CLHC1: variants seen among roughly 807,000 people sequenced by gnomAD.
CLHC1 encodes clathrin heavy chain linker domain containing 1, also known as clathrin heavy chain linker domain-containing protein 1.
In CLHC1, 72 loss-of-function variants were observed where a neutral mutation model predicts 69.5. That is an observed-to-expected ratio of 1.04 (90% confidence interval 0.86 to 1.26). The LOEUF is 1.26. Among genes scored for constraint, CLHC1 ranks in the 50% most tolerant of loss-of-function variants. The probability of loss-of-function intolerance (pLI) is 0.00; values close to 1 mark genes in which losing one functional copy is unlikely to be tolerated. For synonymous variants in CLHC1, 223 were observed against 224.3 expected, an observed-to-expected ratio of 0.99 and a Z score of 0.05; for missense variants, 790 against 679.3, an observed-to-expected ratio of 1.16 and a Z score of -1.81.
chr2:55,231,689 C>T (rs891059403), intron 1 of CLHC1, among the ~76,000 whole-genome samples: 1 of 152,164 alleles, frequency 6.6e-6, no homozygotes, highest in Non-Finnish European at 1.5e-5. Flanking sequence ...ACAGGGAGAA[C>T]TTGCTTCTAA....
At position 55,181,642 on chromosome 2, in the gene CLHC1, G is replaced by T; in HGVS notation, c.1109C>A (p.Thr370Asn). The T allele has an allele frequency of 1.2e-6, 2 of 1,613,746 alleles. No homozygotes were observed. The highest frequency in any genetic ancestry group is 1.7e-6 in the Non-Finnish European group (2 of 1,179,820). ...TAATCCACATTTGATTCCTTCCAGGGTTAGAGCTGCATCAACAGGACATGG... is the reference window on the plus strand; with the variant it reads ...TAATCCACATTTGATTCCTTCCAGGTTTAGAGCTGCATCAACAGGACATGG... The part of the protein sequence containing the change: ...AFPCPVDAAL[T>N]LEGIKCGLSE... The change falls in exon 10 of 13, where the codon ACC becomes AAC. Residue 370 changes from threonine (T) to asparagine (N), a missense_variant. Thr to Asn is a moderately conservative substitution (Grantham distance 65). Coordinates refer to ENST00000401408, the MANE Select transcript of CLHC1 (RefSeq NM_152385.4).
chr2:55,216,291 CAAA>C (rs552944752), intron 4 of CLHC1, among the ~76,000 whole-genome samples: 3 of 107,128 alleles, frequency 2.8e-5, no homozygotes, highest in Admixed American at 9.7e-5. Context: ...AACTCCGTCT[CAAA>C]AAAAAAAAAA....
chr2:55,217,272 T>C (rs1271964001), intron 4 of CLHC1, among the ~76,000 whole-genome samples: 1 of 151,018 alleles, frequency 6.6e-6, no homozygotes, highest in African/African-American at 2.4e-5. Context: ...TCTTAGCACT[T>C]TGGGAGGCTG....
At chr2:55,176,107 T>C (rs1240545424) in intron 12 of CLHC1, 121 bp from the exon 13 acceptor site, 2 of 766,950 alleles carry the variant, frequency 2.6e-6, no homozygotes, top group African/African-American at 3.5e-5. Context: ...TCTACCTGAT[T>C]CCCCTAAGAT....
At chr2:55,193,268 A>T (rs777806991) in intron 9 of CLHC1, among the ~76,000 whole-genome samples, 1 of 152,188 alleles carries the variant, frequency 6.6e-6, no homozygotes, top group Non-Finnish European at 1.5e-5. Flanking sequence ...GAGAAAATTC[A>T]TAAGTGGAAC....
intron 11 of CLHC1, among the ~76,000 whole-genome samples, chr2:55,179,248 T>C (rs1484110409): frequency 6.6e-6 from 1 of 152,148 alleles, no homozygotes; most frequent in African/African-American, 2.4e-5. Flanking sequence ...TTCTGTCCTG[T>C]CACTACATAA....
chr2:55,211,188 T>C (rs1573723083), intron 5 of CLHC1, among the ~76,000 whole-genome samples: 1 of 152,142 alleles, frequency 6.6e-6, no homozygotes. Flanking sequence ...CGTCATTTGC[T>C]AGTCACAATT....
chr2:55,205,831 G>A (rs985600421), intron 9 of CLHC1: 1 of 152,980 alleles, frequency 6.5e-6, no homozygotes, highest in Non-Finnish European at 1.5e-5. Context: ...GGAGGCAGAG[G>A]TGGCAGTGAG....
At chr2:55,189,347 G>A (rs1670706180) in intron 9 of CLHC1, among the ~76,000 whole-genome samples, 1 of 152,156 alleles carries the variant, frequency 6.6e-6, no homozygotes, top group Non-Finnish European at 1.5e-5. Context: ...TTGTTAAATA[G>A]TTATTATGTT....
intron 9 of CLHC1, among the ~76,000 whole-genome samples, chr2:55,200,994 AAC>A (rs1671893697): frequency 3.3e-5 from 5 of 152,156 alleles, no homozygotes; most frequent in Admixed American, 2.0e-4. Context: ...CAATAATGGA[AAC>A]ACAACATACC....
chr2:55,217,133 GGCA>G (rs1393020527), intron 4 of CLHC1, among the ~76,000 whole-genome samples: 1 of 151,924 alleles, frequency 6.6e-6, no homozygotes, highest in Non-Finnish European at 1.5e-5. Context: ...AGGCAGAGGT[GGCA>G]GTGGGCCAAG....
chr2:55,192,826 A>G (rs1384626665), intron 9 of CLHC1, among the ~76,000 whole-genome samples: 1 of 152,046 alleles, frequency 6.6e-6, no homozygotes, highest in Non-Finnish European at 1.5e-5. Flanking sequence ...AATTAACCAA[A>G]AGTAGATCAT....
At chr2:55,186,636 G>A (rs1670440247) in intron 9 of CLHC1, among the ~76,000 whole-genome samples, 1 of 151,782 alleles carries the variant, frequency 6.6e-6, no homozygotes, top group South Asian at 2.1e-4. Flanking sequence ...TGGTGGGTAT[G>A]CCTATACTCC....
chr2:55,222,130 T>C, intron 3 of CLHC1, 105 bp downstream of exon 3: 1 of 761,074 alleles, frequency 1.3e-6, no homozygotes, highest in South Asian at 1.7e-5. Context: ...GCAAATGGAA[T>C]GTTATCATTC....
chr2:55,201,696 G>A (rs1362002913), intron 9 of CLHC1, among the ~76,000 whole-genome samples: 1 of 151,954 alleles, frequency 6.6e-6, no homozygotes, highest in Non-Finnish European at 1.5e-5. Context: ...ACCAAAACCA[G>A]ACAAAGACAC....
chr2:55,219,047 G>A (rs1020906963), intron 3 of CLHC1, among the ~76,000 whole-genome samples: 4 of 152,056 alleles, frequency 2.6e-5, no homozygotes, highest in African/African-American at 9.7e-5. Context: ...TATTTGAGTG[G>A]GTGATACTTG....
In CLHC1 at chr2:55,208,689, T is replaced by A; in HGVS notation, c.836A>T (p.Glu279Val). The A allele has an allele frequency of 6.2e-7, 1 of 1,610,650 alleles. No homozygotes were observed. The highest frequency in any genetic ancestry group is 8.5e-7 in the Non-Finnish European group (1 of 1,176,980). Residue 279 changes from glutamate to valine, a missense_variant, in exon 8 of 13, where the codon GAA (glutamate) becomes GTA (valine). Physicochemically the swap from Glu to Val is moderately radical, Grantham distance 121 (BLOSUM62 -2). Coordinates refer to ENST00000401408, the MANE Select transcript of CLHC1 (RefSeq NM_152385.4). ...YLQGDQGIVE[E>V]LMEDDPRRAK... ...CCTGCGTGGATCATCTTCCATTAGT[T>A]CTTCAACAATGCCTTGGTCACCTGT...
intron 9 of CLHC1, among the ~76,000 whole-genome samples, chr2:55,187,641 T>TGAAC (rs1670543568): frequency 6.6e-6 from 1 of 151,780 alleles, no homozygotes; most frequent in South Asian, 2.1e-4. Flanking sequence ...AGAAAAATAC[T>TGAAC]GAACTCCCAA....
intron 9 of CLHC1, among the ~76,000 whole-genome samples, chr2:55,206,030 G>C (rs1329901956): frequency 6.6e-6 from 1 of 152,154 alleles, no homozygotes; most frequent in Non-Finnish European, 1.5e-5. Context: ...ATTAAATCTT[G>C]ATAGTGAGTA....
Sources: gnomAD v4.1 joint callset for allele counts (sites outside exome capture counted in the v4.1 genomes callset) on GRCh38, gnomAD v4.1.1 for gene constraint, MANE v1.5 for transcripts, NCBI Gene and HGNC (gene_info 2026-07-23, HGNC 2026-07-21) for gene names.